The following SLC26A9 variants were observed in gnomAD, a reference collection of about 807,000 sequenced individuals.
SLC26A9 encodes the protein solute carrier family 26 member 9, also known as anion transporter/exchanger protein 9.
SLC26A9 carries 46 observed loss-of-function variants against 87.1 expected under a neutral mutation model. That is an observed-to-expected ratio of 0.53 (90% CI 0.42 to 0.67). The LOEUF is 0.67. Among genes scored for constraint, SLC26A9 ranks in the 30% least tolerant of loss-of-function variants. The pLI is 0.00. For synonymous variants in SLC26A9, 437 were observed against 409.1 expected, an observed-to-expected ratio of 1.07 and a Z score of -0.82; for missense variants, 927 against 1,018.3, an observed-to-expected ratio of 0.91 and a Z score of 1.22.
rs754475427 is a variant in SLC26A9, at chr1:205,918,945, C to T, written c.2151G>A (p.Glu717=). 3.7e-6 allele frequency: 6 copies of T among 1,614,194 alleles called. No homozygotes were observed. In the South Asian group the frequency reaches 6.6e-5, roughly 18 times the overall value. Residue 717 remains glutamate, a synonymous_variant, in exon 19 of 21, where the codon GAG becomes GAA. Coordinates refer to ENST00000367135, the MANE Select transcript of SLC26A9 (RefSeq NM_052934.4). Reference sequence around the variant, plus strand: ...CGTGCTTGCATTCTAGACTCCCATCCTCAAAGACGCCTCCATGGCTAATGT... The same window carrying T: ...CGTGCTTGCATTCTAGACTCCCATCTTCAAAGACGCCTCCATGGCTAATGT... ...YNDISHGGVF[E]DGSLECKHVF...
At chr1:205,943,199 A>G (rs1415243393) in intron 1 of SLC26A9, among the ~76,000 whole-genome samples, 166 bp downstream of exon 1, 1 of 152,138 alleles carries the variant, frequency 6.6e-6, no homozygotes, top group Non-Finnish European at 1.5e-5. Flanking sequence ...TCAGAGGGGA[A>G]GGGCTGGGAG....
At chr1:205,941,000 C>G (rs1284827096) in intron 1 of SLC26A9, among the ~76,000 whole-genome samples, 3 of 152,116 alleles carry the variant, frequency 2.0e-5, no homozygotes, top group Non-Finnish European at 4.4e-5. Flanking sequence ...CTGCCTCATC[C>G]AGGGTGGGGG....
Position 205,926,619 on chromosome 1 carries a change from T to G in SLC26A9, c.1305A>C (p.Gly435=), listed in dbSNP as rs1659078449. The G allele has an allele frequency of 6.2e-7, 1 of 1,614,018 alleles. No homozygotes were observed. The highest frequency in any genetic ancestry group is 2.2e-5 in the East Asian group (1 of 44,888). Residue 435 remains glycine, a synonymous_variant, in exon 12 of 21, where the codon GGA becomes GGC. Transcript: ENST00000367135. The part of the protein sequence containing the change: ...YLYPLPKSVL[G]ALIAVNLKNS... ...TCTTGAGATTGACAGCGATCAGGGC[T>G]CCTAGCACAGACTAGAGAAGCAGAA...
chr1:205,920,064 G>A (rs1286175735), intron 18 of SLC26A9, 112 bp downstream of exon 18: 51 of 1,193,658 alleles, frequency 4.3e-5, no homozygotes, highest in Middle Eastern at 2.7e-4. Context: ...GCTTGTGGGG[G>A]ATAGCTGGGT....
chr1:205,925,656 T>G (rs1404011250), intron 12 of SLC26A9, among the ~76,000 whole-genome samples: 1 of 152,204 alleles, frequency 6.6e-6, no homozygotes, highest in Non-Finnish European at 1.5e-5. Flanking sequence ...CTGCCTTCCC[T>G]ATGAGACAGT....
intron 16 of SLC26A9, 127 bp downstream of exon 16, chr1:205,922,955 C>G: frequency 1.3e-6 from 1 of 788,872 alleles, no homozygotes; most frequent in South Asian, 1.5e-5. Flanking sequence ...AGGCAGTGTT[C>G]CCAGAGACTT....
At position 205,927,918 on chromosome 1, in the gene SLC26A9, T is replaced by C. The variant is rs753868172; in HGVS notation, c.1085A>G (p.Asp362Gly). Reference sequence around the variant, plus strand: ...CAGAGCTACCTGGTTCGAATCCACGTCGTAGCCGTGCTTGTTGGCCAGGGT... The same window carrying C: ...CAGAGCTACCTGGTTCGAATCCACGCCGTAGCCGTGCTTGTTGGCCAGGGT... ...GRTLANKHGY[D>G]VDSNQEMIAL... Residue 362 changes from aspartate (D) to glycine (G), a missense_variant, in exon 9 of 21, where the codon GAC becomes GGC. Transcript: ENST00000367135. The C allele has an allele frequency of 3.1e-6, 5 of 1,614,026 alleles. No individual in the cohort carries two copies. The Admixed American group carries it at 6.7e-5, about 22-fold the overall frequency.
At chr1:205,933,489 G>C (rs1659389336) in intron 2 of SLC26A9, among the ~76,000 whole-genome samples, 1 of 152,178 alleles carries the variant, frequency 6.6e-6, no homozygotes, top group African/African-American at 2.4e-5. Flanking sequence ...TGTGCATCCT[G>C]TGTGTGCATT....
chr1:205,918,730 G>T, intron 19 of SLC26A9, 110 bp downstream of exon 19: 1 of 1,371,726 alleles, frequency 7.3e-7, no homozygotes, highest in East Asian at 2.3e-5. Flanking sequence ...TGAAATGGCA[G>T]ACTTGATATT....
At chr1:205,917,520 G>A (rs1439887757) in intron 19 of SLC26A9, among the ~76,000 whole-genome samples, 166 bp from the exon 20 acceptor site, 2 of 152,134 alleles carry the variant, frequency 1.3e-5, no homozygotes, top group Non-Finnish European at 2.9e-5. Flanking sequence ...AAAACAGCAC[G>A]GCTGTGGTCT....
At chr1:205,938,220 T>C (rs1391335642) in intron 1 of SLC26A9, among the ~76,000 whole-genome samples, 2 of 151,210 alleles carry the variant, frequency 1.3e-5, no homozygotes, top group Non-Finnish European at 2.9e-5. Context: ...CCATATTCAG[T>C]TGTTCATCAA....
In SLC26A9 at chr1:205,921,651, G is replaced by A; in HGVS notation, c.1970C>T (p.Pro657Leu). 1.2e-6 allele frequency: 2 copies of A among 1,607,396 alleles called. No individual in the cohort carries two copies. Among genetic ancestry groups the A allele is most frequent in the Non-Finnish European group, 8.5e-7 (1 of 1,177,042 alleles). ...GAGGGTGTGGAAGGTGACGAAGGGTGGGACGCTGGCCAGCATGTCACTGGG... is the reference window on the plus strand; with the variant it reads ...GAGGGTGTGGAAGGTGACGAAGGGTAGGACGCTGGCCAGCATGTCACTGGG... Reference protein sequence around the residue: ...GEPSDMLASVPPFVTFHTLIL... With the variant: ...GEPSDMLASVLPFVTFHTLIL... The change falls in exon 17 of 21, where the codon CCA (proline) becomes CTA (leucine). Residue 657 changes from proline (P) to leucine (L), a missense_variant. Pro to Leu is a moderately conservative substitution (Grantham distance 98). Coordinates refer to ENST00000367135, the MANE Select transcript of SLC26A9 (RefSeq NM_052934.4).
Position 205,923,597 on chromosome 1 carries a change from G to C in SLC26A9, c.1513C>G (p.Leu505Val). Residue 505 changes from leucine to valine, a missense_variant, in exon 14 of 21, where the codon CTG becomes GTG. Physicochemically the swap from Leu to Val is conservative, Grantham distance 32. Transcript: ENST00000367135. ...FQTQFRNGYA[L>V]AQVMDTDIYV... The stretch of plus-strand genomic sequence containing the variant: ...ATGTCAGTGTCCATGACCTGGGCCA[G>C]TGCATAGCCATTTCGACTGGATGAA... 6.2e-7 allele frequency: 1 copy of C among 1,614,246 alleles called. No individual in the cohort carries two copies. The highest frequency in any genetic ancestry group is 8.5e-7 in the Non-Finnish European group (1 of 1,180,038).
chr1:205,915,301 T>C lies in SLC26A9; in HGVS notation c.*56A>G, dbSNP rs770184136. Reference sequence around the variant, plus strand: ...CCCCTGTGACCCCAGGCTCATCCTTTATGGAAGTCCCAAGTGCCAGGCACT... The same window carrying C: ...CCCCTGTGACCCCAGGCTCATCCTTCATGGAAGTCCCAAGTGCCAGGCACT... On this transcript the variant is annotated 3_prime_UTR_variant, in exon 21 of 21. Transcript: ENST00000367135. 2 of 1,612,872 alleles carry C rather than the reference T, an allele frequency of 1.2e-6. No individual in the cohort carries two copies. Among genetic ancestry groups the C allele is most frequent in the Non-Finnish European group, 1.7e-6 (2 of 1,179,360 alleles).
intron 1 of SLC26A9, among the ~76,000 whole-genome samples, chr1:205,937,337 A>C (rs1377934802): frequency 6.6e-6 from 1 of 152,110 alleles, no homozygotes; most frequent in Non-Finnish European, 1.5e-5. Context: ...ATACTTGTTG[A>C]GCGAATTGAT....
intron 1 of SLC26A9, 122 bp downstream of exon 1, chr1:205,943,243 T>C (rs1257045689): frequency 6.6e-6 from 1 of 151,950 alleles, no homozygotes; most frequent in African/African-American, 2.4e-5. Context: ...AGAGTGTCCT[T>C]CCTACTTGTG....
At chr1:205,919,445 T>A (rs1037587869) in intron 18 of SLC26A9, among the ~76,000 whole-genome samples, 1 of 152,126 alleles carries the variant, frequency 6.6e-6, no homozygotes, top group Admixed American at 6.5e-5. Context: ...TGCTTCTAAC[T>A]CCAGAACATA....
intron 16 of SLC26A9, among the ~76,000 whole-genome samples, chr1:205,922,629 G>T (rs376619243): frequency 2.0e-5 from 3 of 152,356 alleles, no homozygotes; most frequent in African/African-American, 4.8e-5. Flanking sequence ...CAGGCTGGGC[G>T]CAGTGGCTCA....
intron 16 of SLC26A9, among the ~76,000 whole-genome samples, chr1:205,922,867 C>G (rs1042786510): frequency 1.3e-5 from 2 of 152,060 alleles, no homozygotes; most frequent in African/African-American, 4.8e-5. Flanking sequence ...CCATTGCACT[C>G]AAGCCTGGGT....
Sources: gnomAD v4.1 joint callset for allele counts (sites outside exome capture counted in the v4.1 genomes callset) on GRCh38, gnomAD v4.1.1 for gene constraint, MANE v1.5 for transcripts, NCBI Gene and HGNC (gene_info 2026-07-23, HGNC 2026-07-21) for gene names.